Variants in TBCE observed in about 807,000 individuals in gnomAD.
TBCE encodes the protein tubulin-specific chaperone E.
TBCE carries 53 observed loss-of-function variants against 77.0 expected under a neutral mutation model. The observed-to-expected ratio is 0.69, with a 90% CI of 0.55 to 0.87. The LOEUF is 0.87. TBCE is among the 40% of genes least tolerant of loss of function. The pLI is 0.00. For missense variants in TBCE, 624 were observed against 622.4 expected, an observed-to-expected ratio of 1.00 and a Z score of -0.03; for synonymous variants, 235 against 241.3, an observed-to-expected ratio of 0.97 and a Z score of 0.24.
intron 1 of TBCE, among the ~76,000 whole-genome samples, chr1:235,370,353 A>C (rs1458490070): frequency 6.7e-6 from 1 of 150,094 alleles, no homozygotes; most frequent in African/African-American, 2.5e-5. Flanking sequence ...TCCTGGGTTC[A>C]AGCAATTCTC....
chr1:235,414,543 G>C lies in TBCE; in HGVS notation c.296G>C (p.Arg99Thr), dbSNP rs1377926015. The change falls in exon 4 of 17, where the codon AGA (arginine) becomes ACA (threonine). Residue 99 changes from arginine to threonine, a missense_variant. Arg to Thr is a moderately conservative substitution (Grantham distance 71, BLOSUM62 -1). Transcript: ENST00000642610. ...YVLEDGPEED[R>T]KEQIVTIGNK... Reference sequence around the variant, plus strand: ...TTAGAAGATGGACCAGAGGAAGATAGAAAAGAGCAAATTGTTACAATTGGA... The same window carrying C: ...TTAGAAGATGGACCAGAGGAAGATACAAAAGAGCAAATTGTTACAATTGGA... 6.2e-7 allele frequency: 1 copy of C among 1,613,880 alleles called. No homozygotes were observed. Among genetic ancestry groups the C allele is most frequent in the East Asian group, 2.2e-5 (1 of 44,862 alleles).
chr1:235,422,995 T>C (rs1680484377), intron 5 of TBCE, among the ~76,000 whole-genome samples: 1 of 152,242 alleles, frequency 6.6e-6, no homozygotes, highest in South Asian at 2.1e-4. Flanking sequence ...TTCACGAAGA[T>C]AATCAAGTCA....
At chr1:235,396,145 C>T (rs555692996) in intron 2 of TBCE, among the ~76,000 whole-genome samples, 3 of 152,080 alleles carry the variant, frequency 2.0e-5, no homozygotes, top group South Asian at 2.1e-4. Flanking sequence ...CTGCAAGCTC[C>T]GCCTCCTGGG....
Position 235,448,781 on chromosome 1 carries a change from T to C in TBCE, c.*19T>C, listed in dbSNP as rs751491289. The C allele has an allele frequency of 7.2e-6, 11 of 1,529,160 alleles. No homozygotes were observed. The highest frequency in any genetic ancestry group is 1.0e-5 in the Non-Finnish European group (11 of 1,103,326). 94.7% of individuals were successfully genotyped at this position (1,529,160 alleles called of 1,614,324 possible). On this transcript the variant is annotated 3_prime_UTR_variant, in exon 17 of 17. Coordinates refer to ENST00000642610, the MANE Select transcript of TBCE (RefSeq NM_003193.5). ...ATGGTGACAACCAACTAATAAAATT[T>C]AAAGACCACACTGCTTATCGTGTCT...
At chr1:235,443,137 G>C (rs1682010763) in intron 15 of TBCE, among the ~76,000 whole-genome samples, 1 of 151,458 alleles carries the variant, frequency 6.6e-6, no homozygotes. Context: ...AAGCAGTTCT[G>C]TTAAAATTGG....
intron 3 of TBCE, among the ~76,000 whole-genome samples, chr1:235,410,391 C>T (rs570252426): frequency 6.6e-6 from 1 of 152,140 alleles, no homozygotes; most frequent in Admixed American, 6.5e-5. Flanking sequence ...CTTTTAAGAC[C>T]ATGTAGGGTA....
At position 235,448,816 on chromosome 1, in the gene TBCE, C is replaced by CGGAAATA. The variant is rs1160433168; in HGVS notation, c.*55_*61dup. 1.6e-6 allele frequency: 2 copies of CGGAAATA among 1,288,262 alleles called. No individual in the cohort carries two copies. The highest frequency in any genetic ancestry group is 2.9e-5 in the African/African-American group (2 of 68,462). 79.8% of individuals were successfully genotyped at this position (1,288,262 alleles called of 1,614,324 possible). On this transcript the variant is annotated 3_prime_UTR_variant, in exon 17 of 17. Coordinates refer to ENST00000642610, the MANE Select transcript of TBCE (RefSeq NM_003193.5). ...ACTGCTTATCGTGTCTGGGGTTCAC[C>CGGAAATA]GGAAATAAATGATTCACTGGAACAA...
At chr1:235,426,309 G>T (rs1572411777) in intron 5 of TBCE, among the ~76,000 whole-genome samples, 1 of 152,186 alleles carries the variant, frequency 6.6e-6, no homozygotes, top group African/African-American at 2.4e-5. Context: ...GGCAGTTGGA[G>T]TGATACTGTT....
At chr1:235,397,930 G>A (rs137946293) in intron 2 of TBCE, among the ~76,000 whole-genome samples, 1 of 152,036 alleles carries the variant, frequency 6.6e-6, no homozygotes, top group Admixed American at 6.6e-5. Flanking sequence ...CTGGCCCCAG[G>A]GGAAAAGCTT....
chr1:235,422,857 T>C (rs1680476849), intron 5 of TBCE, among the ~76,000 whole-genome samples: 1 of 151,992 alleles, frequency 6.6e-6, no homozygotes, highest in African/African-American at 2.4e-5. Flanking sequence ...TGGCGGTAAA[T>C]GGGTTTGGGA....
At position 235,448,784 on chromosome 1, in the gene TBCE, A is replaced by G. The variant is rs1288996257; in HGVS notation, c.*22A>G. 2 of 1,497,646 alleles carry G rather than the reference A, an allele frequency of 1.3e-6. No homozygotes were observed. The highest frequency in any genetic ancestry group is 1.1e-5 in the South Asian group (1 of 88,604). 92.8% of individuals were successfully genotyped at this position (1,497,646 alleles called of 1,614,324 possible). A position where few individuals can be genotyped will look rare whatever the true frequency, so the allele number is the denominator to read the frequency against. On this transcript the variant is annotated 3_prime_UTR_variant, in exon 17 of 17. Transcript: ENST00000642610. The stretch of plus-strand genomic sequence containing the variant: ...GTGACAACCAACTAATAAAATTTAA[A>G]GACCACACTGCTTATCGTGTCTGGG...
intron 5 of TBCE, among the ~76,000 whole-genome samples, chr1:235,421,790 G>A (rs1680413510): frequency 1.3e-5 from 2 of 152,206 alleles, no homozygotes; most frequent in Admixed American, 6.5e-5. Context: ...CATTAAGTCT[G>A]TCTGATCTGT....
chr1:235,403,252 G>A (rs1364867516), intron 3 of TBCE, among the ~76,000 whole-genome samples: 1 of 152,010 alleles, frequency 6.6e-6, no homozygotes, highest in Non-Finnish European at 1.5e-5. Context: ...TGTGGCCAAG[G>A]CTGGAGTGCA....
Position 235,401,523 on chromosome 1 carries a change from T to C in TBCE, c.121T>C (p.Trp41Arg). 2 of 1,613,888 alleles carry C rather than the reference T, an allele frequency of 1.2e-6. No homozygotes were observed. The highest frequency in any genetic ancestry group is 1.7e-6 in the Non-Finnish European group (2 of 1,179,846). Reference protein sequence around the residue: ...PVAGPWLGVEWDNPERGKHDG... With the variant: ...PVAGPWLGVERDNPERGKHDG... Reference sequence around the variant, plus strand: ...GCTAGGACCCTGGTTAGGAGTAGAATGGGACAATCCCGAGAGAGGAAAGCA... The same window carrying C: ...GCTAGGACCCTGGTTAGGAGTAGAACGGGACAATCCCGAGAGAGGAAAGCA... The change falls in exon 3 of 17, where the codon TGG becomes CGG. Residue 41 changes from tryptophan (W) to arginine (R), a missense_variant. Coordinates refer to ENST00000642610, the MANE Select transcript of TBCE (RefSeq NM_003193.5).
intron 13 of TBCE, chr1:235,440,899 C>G (rs1395126580): frequency 1.3e-5 from 2 of 152,212 alleles, no homozygotes; most frequent in East Asian, 3.8e-4. Context: ...ATGTACTTTC[C>G]ATTTTGTTTT....
intron 1 of TBCE, among the ~76,000 whole-genome samples, chr1:235,371,301 C>T (rs1183269698): frequency 1.3e-5 from 2 of 151,374 alleles, no homozygotes; most frequent in Non-Finnish European, 2.9e-5. Context: ...AATGATCCAC[C>T]TGCCTCAGCC....
chr1:235,397,752 G>C (rs1678830507), intron 2 of TBCE, among the ~76,000 whole-genome samples: 1 of 152,124 alleles, frequency 6.6e-6, no homozygotes, highest in African/African-American at 2.4e-5. Context: ...TGTGCATTTG[G>C]AATTTTCAAA....
At chr1:235,384,496 CT>C (rs1174776957) in intron 2 of TBCE, among the ~76,000 whole-genome samples, 2 of 147,432 alleles carry the variant, frequency 1.4e-5, no homozygotes, top group Non-Finnish European at 3.0e-5. Flanking sequence ...ATTTCAGAGC[CT>C]GTTATTGGTC....
In TBCE at chr1:235,373,808, CTG is replaced by C. The variant is rs1400076407; in HGVS notation, c.-31-6210_-31-6209del. ...GGACTACAAGCGCCCGCCACCACGC[CTG>C]GCTAATTTTTTTGTATTTTTAGTAG... On this transcript the variant is annotated intron_variant, in intron 1 of 16. Coordinates refer to ENST00000642610, the MANE Select transcript of TBCE (RefSeq NM_003193.5). Among the ~76,000 whole-genome samples the C allele has an allele frequency of 8.9e-5, 13 of 145,314 alleles. 2 individuals are homozygous for C. Among genetic ancestry groups the C allele is most frequent in the Non-Finnish European group, 1.7e-4 (11 of 66,262 alleles).
Sources: allele counts gnomAD v4.1 joint callset (sites outside exome capture counted in the v4.1 genomes callset), GRCh38; gene constraint gnomAD v4.1.1; transcripts MANE v1.5; gene names NCBI Gene and HGNC (gene_info 2026-07-23, HGNC 2026-07-21).